Variants in ZNF233 observed in about 807,000 individuals in gnomAD.
The protein encoded by ZNF233 is zinc finger protein 233.
ZNF233 carries 7 observed loss-of-function variants against 11.6 expected under a neutral mutation model. The observed-to-expected ratio is 0.60, with a 90% CI of 0.34 to 1.13. The LOEUF (loss-of-function observed/expected upper bound fraction) is 1.13. Ranked by LOEUF, ZNF233 falls within the 50% of genes most tolerant of loss-of-function variation. ZNF233 has a pLI of 0.03. For synonymous variants in ZNF233, 226 were observed against 268.5 expected, an observed-to-expected ratio of 0.84 and a Z score of 1.55; for missense variants, 711 against 785.5, an observed-to-expected ratio of 0.91 and a Z score of 1.13.
chr19:44,274,028 A>T lies in ZNF233; in HGVS notation c.1368A>T (p.Val456=). The part of the protein sequence containing the change: ...HTGEKPYKCE[V]CDKGFSKASN... ...GAGAGAAACCATATAAATGTGAGGT[A>T]TGTGATAAGGGCTTCAGTAAGGCCT... Residue 456 remains valine (V), a synonymous_variant, in exon 5 of 5, where the codon GTA becomes GTT. Transcript: ENST00000683810. 6.3e-7 allele frequency: 1 copy of T among 1,597,650 alleles called. No homozygotes were observed. Among genetic ancestry groups the T allele is most frequent in the Non-Finnish European group, 8.5e-7 (1 of 1,179,410 alleles).
intron 1 of ZNF233, among the ~76,000 whole-genome samples, chr19:44,262,272 G>A (rs550673945): frequency 3.9e-5 from 6 of 152,164 alleles, no homozygotes; most frequent in Admixed American, 6.5e-5. Flanking sequence ...CCCCAGCTAC[G>A]CTGAAGGCTT....
At chr19:44,265,108 A>G (rs1447372740) in intron 2 of ZNF233, among the ~76,000 whole-genome samples, 1 of 151,484 alleles carries the variant, frequency 6.6e-6, no homozygotes, top group Non-Finnish European at 1.5e-5. Flanking sequence ...TCAGTTCCTT[A>G]CTCCCCAGAG....
Position 44,266,342 on chromosome 19 carries a change from C to T in ZNF233, c.142+18C>T. 2.5e-6 allele frequency: 4 copies of T among 1,577,846 alleles called. No individual in the cohort carries two copies. The highest frequency in any genetic ancestry group is 3.4e-6 in the Non-Finnish European group (4 of 1,161,846). ...GTCAGTGGGTGAGCACAGGCACCTTCTGTAACTGAATATCAGCCCTCTGGA... is the reference window on the plus strand; with the variant it reads ...GTCAGTGGGTGAGCACAGGCACCTTTTGTAACTGAATATCAGCCCTCTGGA... On this transcript the variant is annotated intron_variant, in intron 3 of 4. Coordinates refer to ENST00000683810, the MANE Select transcript of ZNF233 (RefSeq NM_001207005.2).
At chr19:44,261,845 T>G (rs1398174994) in intron 1 of ZNF233, among the ~76,000 whole-genome samples, 1 of 151,640 alleles carries the variant, frequency 6.6e-6, no homozygotes, top group Non-Finnish European at 1.5e-5. Flanking sequence ...AGAGATGAGG[T>G]TTCATCATGT....
rs1039207245 is a variant in ZNF233 at position 44,275,096 on chromosome 19, T to A, written c.*423T>A. The A allele has an allele frequency of 2.5e-6, 1 of 401,740 alleles. No homozygotes were observed. Among genetic ancestry groups the A allele is most frequent in the African/African-American group, 2.1e-5 (1 of 48,626 alleles). 24.9% of individuals were successfully genotyped at this position (401,740 alleles called of 1,614,324 possible). ...AGCTCCATGCAGGAACATTGTTTAC[T>A]GCTGCATGATCGTGACCTTGAACAA... is the stretch of plus-strand genomic sequence containing the variant. On this transcript the variant is annotated 3_prime_UTR_variant, in exon 5 of 5. Coordinates refer to ENST00000683810, the MANE Select transcript of ZNF233 (RefSeq NM_001207005.2).
chr19:44,265,567 C>T (rs1373711802), intron 2 of ZNF233, among the ~76,000 whole-genome samples: 1 of 152,058 alleles, frequency 6.6e-6, no homozygotes, highest in East Asian at 1.9e-4. Flanking sequence ...ATTATAGGCA[C>T]CTGCCAACAT....
chr19:44,265,973 C>T (rs1331871184), intron 2 of ZNF233, among the ~76,000 whole-genome samples: 1 of 152,162 alleles, frequency 6.6e-6, no homozygotes, highest in Admixed American at 6.5e-5. Context: ...AAATTAAATA[C>T]ACAGGGGTTA....
chr19:44,271,636 A>C (rs1182055433), intron 4 of ZNF233, among the ~76,000 whole-genome samples: 1 of 151,674 alleles, frequency 6.6e-6, no homozygotes, highest in Non-Finnish European at 1.5e-5. Flanking sequence ...TGGCCTCCCG[A>C]GTAGCCGGGA....
chr19:44,268,849 C>T (rs1042593650), intron 4 of ZNF233, among the ~76,000 whole-genome samples: 1 of 152,094 alleles, frequency 6.6e-6, no homozygotes, highest in Non-Finnish European at 1.5e-5. Context: ...TTTGAATATA[C>T]ATCATAAATA....
chr19:44,274,505 G>A lies in ZNF233; in HGVS notation c.1845G>A (p.Thr615=), dbSNP rs751008846. The change falls in exon 5 of 5, where the codon ACG becomes ACA. Residue 615 remains threonine, a synonymous_variant. Coordinates refer to ENST00000683810, the MANE Select transcript of ZNF233 (RefSeq NM_001207005.2). ...TTCATGTTCATCAGAGGATCCACAC[G>A]GGAGAGAAACCCTATAAATGTGGCA... The part of the protein sequence containing the change: ...SYLHVHQRIH[T]GEKPYKCGMC... 2.5e-5 allele frequency: 41 copies of A among 1,612,040 alleles called. No homozygotes were observed. The highest frequency in any genetic ancestry group is 1.6e-4 in the Middle Eastern group (1 of 6,074).
chr19:44,273,499 A>G lies in ZNF233; in HGVS notation c.839A>G (p.His280Arg). ...AATCTTGAACTTCACCAGCAACTACACTTAAGAGACAAGCCTCATGTAAAT... is the reference window on the plus strand; with the variant it reads ...AATCTTGAACTTCACCAGCAACTACGCTTAAGAGACAAGCCTCATGTAAAT... ...GSNLELHQQL[H>R]LRDKPHVNVE... Residue 280 changes from histidine (H) to arginine (R), a missense_variant, in exon 5 of 5, where the codon CAC (histidine) becomes CGC (arginine). Transcript: ENST00000683810. 6.2e-7 allele frequency: 1 copy of G among 1,614,204 alleles called. No homozygotes were observed. Among genetic ancestry groups the G allele is most frequent in the Non-Finnish European group, 8.5e-7 (1 of 1,180,048 alleles).
At chr19:44,266,103 C>T in intron 2 of ZNF233, 95 bp from the exon 3 acceptor site, 6 of 1,352,452 alleles carry the variant, frequency 4.4e-6, no homozygotes, top group East Asian at 5.6e-5. Flanking sequence ...CAATCCAGAA[C>T]GTCTTCCTGC....
At chr19:44,260,015 G>T (rs948413908) in intron 1 of ZNF233, 77 bp downstream of exon 1, 8 of 423,240 alleles carry the variant, frequency 1.9e-5, no homozygotes, top group Non-Finnish European at 3.8e-5. Flanking sequence ...GCCTGCCCTC[G>T]CTCTCAGTGA....
At position 44,273,477 on chromosome 19, in the gene ZNF233, C is replaced by T. The variant is rs1975300306; in HGVS notation, c.817C>T (p.Leu273Phe). The change falls in exon 5 of 5, where the codon CTT (leucine) becomes TTT (phenylalanine). Residue 273 changes from leucine (L) to phenylalanine (F), a missense_variant. Coordinates refer to ENST00000683810, the MANE Select transcript of ZNF233 (RefSeq NM_001207005.2). ...AAAAGGCTTAAGTGTTGGCTCTAAT[C>T]TTGAACTTCACCAGCAACTACACTT... is the stretch of plus-strand genomic sequence containing the variant. ...NGKGLSVGSN[L>F]ELHQQLHLRD... 8 of 1,614,088 alleles carry T rather than the reference C, an allele frequency of 5.0e-6. No individual in the cohort carries two copies. The Admixed American group carries it at 1.3e-4, about 27-fold the overall frequency.
At position 44,273,611 on chromosome 19, in the gene ZNF233, T is replaced by G; in HGVS notation, c.951T>G (p.Gly317=). The change falls in exon 5 of 5, where the codon GGT becomes GGG. Residue 317 remains glycine (G), a synonymous_variant. Coordinates refer to ENST00000683810, the MANE Select transcript of ZNF233 (RefSeq NM_001207005.2). The part of the protein sequence containing the change: ...FHIGEKCYRN[G]DSGEGFSQGS... Reference sequence around the variant, plus strand: ...TAGGAGAGAAATGCTATAGGAATGGTGACAGTGGTGAGGGCTTCAGTCAGG... The same window carrying G: ...TAGGAGAGAAATGCTATAGGAATGGGGACAGTGGTGAGGGCTTCAGTCAGG... 6.2e-7 allele frequency: 1 copy of G among 1,614,108 alleles called. No individual in the cohort carries two copies. Among genetic ancestry groups the G allele is most frequent in the South Asian group, 1.1e-5 (1 of 91,076 alleles).
In ZNF233 at chr19:44,264,510, G is replaced by A. The variant is rs753929496; in HGVS notation, c.15+135G>A. On this transcript the variant is annotated intron_variant, in intron 2 of 4. Transcript: ENST00000683810. ...GGAATCTGCTAGTTACTTGATTTTC[G>A]ATTGGTTCAATTTTTTGTTTATGTC... 2.3e-4 allele frequency: 174 copies of A among 762,076 alleles called. 1 individual carries two copies. Among genetic ancestry groups the A allele is most frequent in the Admixed American group, 4.0e-4 (11 of 27,350 alleles). The allele number at this position is 762,076 out of a possible 1,614,324, so 47.2% of individuals were successfully genotyped here.
intron 2 of ZNF233, 82 bp from the exon 3 acceptor site, chr19:44,266,116 G>A: frequency 7.0e-7 from 1 of 1,422,188 alleles, no homozygotes; most frequent in Non-Finnish European, 9.3e-7. Context: ...CTTCCTGCCT[G>A]TTCTTTCTAC....
chr19:44,263,991 T>C (rs151118967), intron 1 of ZNF233, among the ~76,000 whole-genome samples: 2 of 152,320 alleles, frequency 1.3e-5, no homozygotes, highest in African/African-American at 4.8e-5. Context: ...TAAACAGAGT[T>C]AGTAGCCATG....
chr19:44,266,113 C>T, intron 2 of ZNF233, 85 bp from the exon 3 acceptor site: 2 of 1,406,252 alleles, frequency 1.4e-6, no homozygotes, highest in Non-Finnish European at 1.9e-6. Context: ...CGTCTTCCTG[C>T]CTGTTCTTTC....
Sources: gnomAD v4.1 joint callset for allele counts (sites outside exome capture counted in the v4.1 genomes callset) on GRCh38, gnomAD v4.1.1 for gene constraint, MANE v1.5 for transcripts, NCBI Gene and HGNC (gene_info 2026-07-23, HGNC 2026-07-21) for gene names.